Variants in CAMK1D observed in about 807,000 individuals in gnomAD.
CAMK1D encodes calcium/calmodulin-dependent protein kinase type 1D.
A neutral mutation model predicts 47.7 loss-of-function variants in CAMK1D; 9 were observed. The ratio of observed to expected loss-of-function variants is 0.19; its 90% CI spans 0.11 to 0.33. The LOEUF (loss-of-function observed/expected upper bound fraction) is 0.33. Among genes scored for constraint, CAMK1D ranks in the 10% least tolerant of loss-of-function variants. The pLI is 1.00. For missense variants in CAMK1D, 291 were observed against 488.7 expected (o/e 0.60, Z 3.81); for synonymous variants, 184 against 184.9 (o/e 0.99, Z 0.04).
intron 1 of CAMK1D, among the ~76,000 whole-genome samples, chr10:12,387,422 A>ATATTTTATATATT (rs1838552399): frequency 1.2e-5 from 1 of 84,460 alleles, no homozygotes; most frequent in South Asian, 3.4e-4. Flanking sequence ...TATATTTTAT[A>ATATTTTATATATT]TATTTTATAT....
intron 1 of CAMK1D, among the ~76,000 whole-genome samples, chr10:12,545,936 T>G (rs1432651337): frequency 1.3e-5 from 2 of 152,162 alleles, no homozygotes; most frequent in Admixed American, 1.3e-4. Context: ...TTTTGGAAAC[T>G]AGCTGTTCAG....
At chr10:12,790,601 A>T (rs1293600460) in intron 5 of CAMK1D, among the ~76,000 whole-genome samples, 1 of 123,982 alleles carries the variant, frequency 8.1e-6, no homozygotes, top group African/African-American at 3.0e-5. Flanking sequence ...CTCACATCTC[A>T]CACACACACA....
chr10:12,635,447 A>G lies in CAMK1D; in HGVS notation c.225-31289A>G, dbSNP rs139006143. Reference sequence around the variant, plus strand: ...GATACAAAGTTGTGTTCATTCACCAATGGCTTGTTGAGTACCCCCTAAGCC... The same window carrying G: ...GATACAAAGTTGTGTTCATTCACCAGTGGCTTGTTGAGTACCCCCTAAGCC... On this transcript the variant is annotated intron_variant, in intron 2 of 10. Coordinates refer to ENST00000619168, the MANE Select transcript of CAMK1D (RefSeq NM_153498.4). Among the ~76,000 whole-genome samples, 235 of 152,310 alleles carry G rather than the reference A, an allele frequency of 1.5e-3. 2 individuals carry two copies. Among genetic ancestry groups the G allele is most frequent in the African/African-American group, 5.4e-3 (224 of 41,574 alleles).
chr10:12,806,863 T>A (rs1456572884), intron 6 of CAMK1D, among the ~76,000 whole-genome samples: 1 of 152,186 alleles, frequency 6.6e-6, no homozygotes, highest in Non-Finnish European at 1.5e-5. Flanking sequence ...TGCTTCAATA[T>A]GCCAAGACCG....
At chr10:12,705,321 C>T (rs888436798) in intron 3 of CAMK1D, among the ~76,000 whole-genome samples, 5 of 151,834 alleles carry the variant, frequency 3.3e-5, no homozygotes, top group South Asian at 2.1e-4. Flanking sequence ...ATTAGCTGGG[C>T]GTGATGGTGA....
intron 3 of CAMK1D, among the ~76,000 whole-genome samples, chr10:12,697,241 C>G (rs1833333051): frequency 6.6e-6 from 1 of 152,190 alleles, no homozygotes; most frequent in Admixed American, 6.5e-5. Context: ...TAGAAACAGA[C>G]TAGAATTTGT....
At chr10:12,418,125 C>T (rs951418881) in intron 1 of CAMK1D, among the ~76,000 whole-genome samples, 2 of 152,188 alleles carry the variant, frequency 1.3e-5, no homozygotes, top group Admixed American at 6.5e-5. Flanking sequence ...AAGAAGCCCT[C>T]GCCCTGCCAG....
intron 8 of CAMK1D, among the ~76,000 whole-genome samples, chr10:12,816,872 CAAAAA>C (rs71386122): frequency 3.5e-5 from 2 of 57,424 alleles, no homozygotes; most frequent in Non-Finnish European, 7.7e-5. Flanking sequence ...AACTCTGTCT[CAAAAA>C]AAAAAAAAAA....
rs1840105690 is a variant in CAMK1D at position 12,655,985 on chromosome 10, AC to A, written c.225-10749del. Reference sequence around the variant, plus strand: ...GTCAAAGTTGATGGTTCTCATAGATACCTTAATGCACTTTGCCTCATTATAA... The same window carrying A: ...GTCAAAGTTGATGGTTCTCATAGATACTTAATGCACTTTGCCTCATTATAA... On this transcript the variant is annotated intron_variant, in intron 2 of 10. Coordinates refer to ENST00000619168, the MANE Select transcript of CAMK1D (RefSeq NM_153498.4). Among the ~76,000 whole-genome samples, 2 of 152,200 alleles carry A rather than the reference AC, an allele frequency of 1.3e-5. 1 individual carries two copies. The highest frequency in any genetic ancestry group is 1.3e-4 in the Admixed American group (2 of 15,280).
intron 5 of CAMK1D, among the ~76,000 whole-genome samples, chr10:12,777,623 C>CT: frequency 1.3e-5 from 2 of 152,140 alleles, no homozygotes; most frequent in Non-Finnish European, 2.9e-5. Flanking sequence ...ATCCACCTGT[C>CT]TCGGCCTCCC....
chr10:12,728,387 C>T lies in CAMK1D; in HGVS notation c.300-32561C>T, dbSNP rs140673945. 1.7e-3 allele frequency among the ~76,000 whole-genome samples: 254 copies of T among 152,278 alleles called. 1 individual carries two copies. The highest frequency in any genetic ancestry group is 5.7e-3 in the African/African-American group (237 of 41,560). On this transcript the variant is annotated intron_variant, in intron 3 of 10. Transcript: ENST00000619168. ...CGCTAGTTACATCGGTACAAACATT[C>T]GAATTGTGTTATAATGTTAGTCCAT...
chr10:12,352,608 C>CA (rs1051144842), intron 1 of CAMK1D, among the ~76,000 whole-genome samples: 3 of 149,096 alleles, frequency 2.0e-5, no homozygotes, highest in Non-Finnish European at 4.5e-5. Flanking sequence ...GACTCGGTCT[C>CA]AAAAAAATAA....
At chr10:12,547,639 A>C (rs867075612) in intron 1 of CAMK1D, among the ~76,000 whole-genome samples, 749 of 109,016 alleles carry the variant, frequency 6.9e-3, no homozygotes, top group Admixed American at 0.012. Context: ...TCACGAGGAC[A>C]CCCCCCCCCC....
rs1833457693 is a variant in CAMK1D, at chr10:12,833,710, T to C, written c.*4823T>C. On this transcript the variant is annotated 3_prime_UTR_variant, in exon 11 of 11. Transcript: ENST00000619168. ...CGGGCAAAGGGAAGCTCCTCCCGTT[T>C]TTCATAAACAGAAGTAAGATGTCCT... 1 of 152,174 alleles carries C rather than the reference T, an allele frequency of 6.6e-6. No homozygotes were observed. The highest frequency in any genetic ancestry group is 2.1e-4 in the South Asian group (1 of 4,822). 9.4% of individuals were successfully genotyped at this position (152,174 alleles called of 1,614,324 possible). A position where few individuals can be genotyped will look rare whatever the true frequency, so the allele number is the denominator to read the frequency against.
intron 1 of CAMK1D, among the ~76,000 whole-genome samples, chr10:12,478,790 A>G (rs1482866572): frequency 6.6e-6 from 1 of 151,870 alleles, no homozygotes; most frequent in Non-Finnish European, 1.5e-5. Context: ...CCTCTCTCTC[A>G]TGCTCTCCTT....
chr10:12,363,028 C>G (rs1230007726), intron 1 of CAMK1D, among the ~76,000 whole-genome samples: 1 of 149,166 alleles, frequency 6.7e-6, no homozygotes, highest in Non-Finnish European at 1.5e-5. Context: ...GCAGGCTCTT[C>G]CTCCCGGGTA....
In CAMK1D at chr10:12,831,930, A is replaced by T. The variant is rs1459220056; in HGVS notation, c.*3043A>T. ...GAAGGTCTGACAAATGGGGTCTCAG[A>T]GTCCTAGGACCCGCACCAAGGTCAG... is the stretch of plus-strand genomic sequence containing the variant. On this transcript the variant is annotated 3_prime_UTR_variant, in exon 11 of 11. Coordinates refer to ENST00000619168, the MANE Select transcript of CAMK1D (RefSeq NM_153498.4). 6.6e-6 allele frequency: 1 copy of T among 152,240 alleles called. No homozygotes were observed. Among genetic ancestry groups the T allele is most frequent in the Non-Finnish European group, 1.5e-5 (1 of 68,060 alleles). The allele number at this position is 152,240 out of a possible 1,614,324, so 9.4% of individuals were successfully genotyped here.
chr10:12,429,256 G>T (rs1840359120), intron 1 of CAMK1D, among the ~76,000 whole-genome samples: 1 of 152,002 alleles, frequency 6.6e-6, no homozygotes, highest in Non-Finnish European at 1.5e-5. Context: ...TCATTCTCCA[G>T]CCTGCAGTGT....
At chr10:12,560,106 G>A (rs1836888929) in intron 2 of CAMK1D, among the ~76,000 whole-genome samples, 1 of 152,152 alleles carries the variant, frequency 6.6e-6, no homozygotes, top group Non-Finnish European at 1.5e-5. Context: ...AGCCCCCAGA[G>A]AAAGGCTTTG....
Sources: allele counts gnomAD v4.1 joint callset (sites outside exome capture counted in the v4.1 genomes callset), GRCh38; gene constraint gnomAD v4.1.1; transcripts MANE v1.5; gene names NCBI Gene and HGNC (gene_info 2026-07-23, HGNC 2026-07-21).